Variants in PPP2R5E observed in about 807,000 individuals in gnomAD.
PPP2R5E encodes the protein protein phosphatase 2 regulatory subunit B'epsilon, also known as serine/threonine-protein phosphatase 2A 56 kDa regulatory subunit epsilon isoform.
A neutral mutation model predicts 65.3 loss-of-function variants in PPP2R5E; 4 were observed. That is an observed-to-expected ratio of 0.06 (90% CI 0.03 to 0.14). PPP2R5E has a LOEUF of 0.14. Ranked by LOEUF, PPP2R5E falls within the 10% of genes least tolerant of loss-of-function variation. The pLI, the probability that PPP2R5E is intolerant of heterozygous loss-of-function variation, is 1.00. For synonymous variants in PPP2R5E, 183 were observed against 187.4 expected, an observed-to-expected ratio of 0.98 and a Z score of 0.19; for missense variants, 274 against 556.1, an observed-to-expected ratio of 0.49 and a Z score of 5.10.
At chr14:63,458,434 A>T (rs2139498228) in intron 2 of PPP2R5E, among the ~76,000 whole-genome samples, 1 of 152,346 alleles carries the variant, frequency 6.6e-6, no homozygotes, top group Non-Finnish European at 1.5e-5. Flanking sequence ...TAACAAGGGT[A>T]GAAGAAATAA....
chr14:63,412,244 A>G (rs562279015), intron 5 of PPP2R5E, among the ~76,000 whole-genome samples: 1 of 152,238 alleles, frequency 6.6e-6, no homozygotes, highest in African/African-American at 2.4e-5. Context: ...CTTGAGCCCA[A>G]TCTGGGCAAC....
At chr14:63,418,081 C>A (rs1365620513) in intron 4 of PPP2R5E, among the ~76,000 whole-genome samples, 1 of 152,146 alleles carries the variant, frequency 6.6e-6, no homozygotes, top group African/African-American at 2.4e-5. Flanking sequence ...AGAAAAATTT[C>A]TTTCCTAATG....
intron 2 of PPP2R5E, among the ~76,000 whole-genome samples, chr14:63,507,467 C>T (rs771431271): frequency 1.3e-4 from 19 of 149,692 alleles, no homozygotes; most frequent in African/African-American, 4.2e-4. Context: ...AAAATACCAG[C>T]GTTTAGAACG....
intron 3 of PPP2R5E, among the ~76,000 whole-genome samples, chr14:63,440,984 AC>A (rs1190398347): frequency 3.4e-5 from 5 of 148,734 alleles, no homozygotes; most frequent in Admixed American, 2.7e-4. Context: ...GGGTTCTGGA[AC>A]CAGATCACCA....
intron 2 of PPP2R5E, among the ~76,000 whole-genome samples, chr14:63,480,537 C>T (rs1890645569): frequency 6.6e-6 from 1 of 152,164 alleles, no homozygotes; most frequent in Non-Finnish European, 1.5e-5. Context: ...CCTCCAACTC[C>T]TGGGCTCAAG....
chr14:63,445,824 A>G (rs1164729898), intron 3 of PPP2R5E, among the ~76,000 whole-genome samples: 2 of 151,376 alleles, frequency 1.3e-5, no homozygotes, highest in Non-Finnish European at 2.9e-5. Flanking sequence ...CCTGGGCAAT[A>G]GAGTGAGACT....
At chr14:63,462,900 C>T (rs1204698862) in intron 2 of PPP2R5E, among the ~76,000 whole-genome samples, 1 of 151,548 alleles carries the variant, frequency 6.6e-6, no homozygotes, top group African/African-American at 2.4e-5. Context: ...GTCGGGAGTT[C>T]GAGACCAGCC....
intron 5 of PPP2R5E, 113 bp downstream of exon 5, chr14:63,415,027 A>ATT (rs10675671): frequency 1.1e-5 from 6 of 560,442 alleles, no homozygotes; most frequent in African/African-American, 2.0e-5. Context: ...ATATATATAT[A>ATT]TTTTGTGGGT....
At chr14:63,466,273 C>CAAA (rs550383242) in intron 2 of PPP2R5E, among the ~76,000 whole-genome samples, 48 of 118,274 alleles carry the variant, frequency 4.1e-4, no homozygotes, top group African/African-American at 1.1e-3. Flanking sequence ...TTTAAAAATA[C>CAAA]AAAAAAAAAA....
chr14:63,447,506 G>C (rs919042433), intron 3 of PPP2R5E, among the ~76,000 whole-genome samples: 3 of 152,226 alleles, frequency 2.0e-5, no homozygotes, highest in African/African-American at 7.2e-5. Context: ...CCAAGGCCTT[G>C]CTCTGGGTTA....
chr14:63,468,996 A>G (rs1464445164), intron 2 of PPP2R5E, among the ~76,000 whole-genome samples: 3 of 152,214 alleles, frequency 2.0e-5, no homozygotes, highest in African/African-American at 7.2e-5. Flanking sequence ...GGTTCAGACT[A>G]AGTCTGGAAG....
chr14:63,529,123 C>G (rs899736502), intron 2 of PPP2R5E, among the ~76,000 whole-genome samples: 2 of 152,074 alleles, frequency 1.3e-5, no homozygotes, highest in Non-Finnish European at 2.9e-5. Flanking sequence ...CCATTTCCAG[C>G]TAATTTTTTA....
At chr14:63,517,671 T>C (rs991460748) in intron 2 of PPP2R5E, among the ~76,000 whole-genome samples, 1 of 152,210 alleles carries the variant, frequency 6.6e-6, no homozygotes, top group African/African-American at 2.4e-5. Context: ...TAATTTAAAT[T>C]ATAATAGCTC....
intron 2 of PPP2R5E, among the ~76,000 whole-genome samples, chr14:63,507,631 G>A (rs1181817466): frequency 1.4e-5 from 2 of 139,850 alleles, no homozygotes; most frequent in Non-Finnish European, 3.0e-5. Flanking sequence ...CCAGGCTGGA[G>A]TGCAGTGGTG....
chr14:63,522,752 C>T (rs1463903210), intron 2 of PPP2R5E, among the ~76,000 whole-genome samples: 6 of 151,420 alleles, frequency 4.0e-5, no homozygotes, highest in African/African-American at 1.2e-4. Flanking sequence ...GCCCGGAAGC[C>T]GCCCCGTCTG....
chr14:63,430,900 C>G (rs1452369836), intron 3 of PPP2R5E, among the ~76,000 whole-genome samples: 1 of 152,108 alleles, frequency 6.6e-6, no homozygotes, highest in Non-Finnish European at 1.5e-5. Flanking sequence ...TAAACCTTGT[C>G]ATCTATATGA....
At chr14:63,487,550 A>G (rs544432145) in intron 2 of PPP2R5E, among the ~76,000 whole-genome samples, 11 of 152,306 alleles carry the variant, frequency 7.2e-5, no homozygotes, top group African/African-American at 2.6e-4. Flanking sequence ...TTCGAAATCA[A>G]TCTAATGATT....
At chr14:63,473,234 C>A (rs1890216860) in intron 2 of PPP2R5E, among the ~76,000 whole-genome samples, 1 of 152,002 alleles carries the variant, frequency 6.6e-6, no homozygotes, top group South Asian at 2.1e-4. Flanking sequence ...GAGGTAACTC[C>A]AAGGGAGAAA....
chr14:63,463,102 C>CAAA (rs35267340), intron 2 of PPP2R5E, among the ~76,000 whole-genome samples: 2 of 88,648 alleles, frequency 2.3e-5, no homozygotes, highest in African/African-American at 3.5e-5. Context: ...AACTCCATCT[C>CAAA]AAAAAAAAAA....
Sources: gnomAD v4.1 joint callset for allele counts (sites outside exome capture counted in the v4.1 genomes callset) on GRCh38, gnomAD v4.1.1 for gene constraint, MANE v1.5 for transcripts, NCBI Gene and HGNC (gene_info 2026-07-23, HGNC 2026-07-21) for gene names.